The following FHIT variants were observed in gnomAD, a reference collection of about 807,000 sequenced individuals.
FHIT encodes fragile histidine triad diadenosine triphosphatase, also known as bis(5'-adenosyl)-triphosphatase.
A neutral mutation model predicts 17.9 loss-of-function variants in FHIT; 19 were observed. The observed-to-expected ratio is 1.06, with a 90% CI of 0.74 to 1.56. FHIT has a LOEUF of 1.56. Ranked by LOEUF, FHIT falls within the 40% of genes most tolerant of loss-of-function variation. The pLI, the probability that FHIT is intolerant of heterozygous loss-of-function variation, is 0.00. For missense variants in FHIT, 248 were observed against 189.2 expected, an observed-to-expected ratio of 1.31 and a Z score of -1.82; for synonymous variants, 81 against 69.7, an observed-to-expected ratio of 1.16 and a Z score of -0.81.
At chr3:61,169,558 T>C (rs1427901111) in intron 2 of FHIT, among the ~76,000 whole-genome samples, 1 of 152,248 alleles carries the variant, frequency 6.6e-6, no homozygotes, top group Non-Finnish European at 1.5e-5. Flanking sequence ...ATTTCACCTT[T>C]AATATGAATT....
chr3:60,906,148 G>T (rs1265916497), intron 3 of FHIT, among the ~76,000 whole-genome samples: 2 of 152,038 alleles, frequency 1.3e-5, no homozygotes, highest in Non-Finnish European at 2.9e-5. Flanking sequence ...ATCCTTAGTG[G>T]AATATTAGGA....
chr3:60,317,950 CCAGA>C (rs905329857), intron 5 of FHIT, among the ~76,000 whole-genome samples: 9 of 151,900 alleles, frequency 5.9e-5, no homozygotes, highest in African/African-American at 2.2e-4. Context: ...GTCACCACAC[CCAGA>C]CAATTTTTAT....
At chr3:61,217,162 A>G (rs2039706166) in intron 1 of FHIT, among the ~76,000 whole-genome samples, 1 of 152,208 alleles carries the variant, frequency 6.6e-6, no homozygotes. Context: ...AAATAAAAAA[A>G]TAAAAATAAA....
At chr3:60,592,083 A>G (rs1553664513) in intron 4 of FHIT, among the ~76,000 whole-genome samples, 1 of 151,612 alleles carries the variant, frequency 6.6e-6, no homozygotes, top group African/African-American at 2.4e-5. Flanking sequence ...TTATCTTAAC[A>G]AAATAATCAT....
intron 8 of FHIT, among the ~76,000 whole-genome samples, chr3:59,780,833 T>C (rs1487100432): frequency 1.3e-5 from 2 of 152,200 alleles, no homozygotes; most frequent in Admixed American, 6.5e-5. Context: ...TTAACCCGTT[T>C]AGTTTATATT....
intron 3 of FHIT, chr3:60,856,418 A>T (rs1392210365): frequency 2.6e-5 from 4 of 152,024 alleles, no homozygotes; most frequent in African/African-American, 7.3e-5. Context: ...CTTCCTCTTA[A>T]TCTCCCCAAA....
At chr3:60,506,415 C>T (rs1352074251) in intron 5 of FHIT, among the ~76,000 whole-genome samples, 1 of 152,106 alleles carries the variant, frequency 6.6e-6, no homozygotes, top group Non-Finnish European at 1.5e-5. Context: ...TTTGGCAAAT[C>T]CACGGTTTTA....
intron 2 of FHIT, among the ~76,000 whole-genome samples, chr3:61,044,139 C>T (rs956793171): frequency 6.6e-6 from 1 of 152,148 alleles, no homozygotes; most frequent in Non-Finnish European, 1.5e-5. Context: ...ATGAATTTGA[C>T]GAGTTGAGAG....
At chr3:60,145,205 C>T (rs954394097) in intron 5 of FHIT, among the ~76,000 whole-genome samples, 1 of 152,068 alleles carries the variant, frequency 6.6e-6, no homozygotes, top group African/African-American at 2.4e-5. Flanking sequence ...ACACAGACCT[C>T]GGTGTTATTG....
intron 5 of FHIT, among the ~76,000 whole-genome samples, chr3:60,293,936 G>A (rs1386985225): frequency 6.6e-6 from 1 of 152,102 alleles, no homozygotes; most frequent in Non-Finnish European, 1.5e-5. Flanking sequence ...TGTGCCTCAG[G>A]AGGTGCCATG....
intron 5 of FHIT, among the ~76,000 whole-genome samples, chr3:60,275,230 G>GT (rs1707069389): frequency 7.6e-6 from 1 of 131,064 alleles, no homozygotes; most frequent in Non-Finnish European, 1.7e-5. Context: ...TGGAAGAAAA[G>GT]AAAAAAAAAA....
At chr3:60,463,732 C>T (rs943170423) in intron 5 of FHIT, among the ~76,000 whole-genome samples, 5 of 152,150 alleles carry the variant, frequency 3.3e-5, no homozygotes, top group Admixed American at 2.0e-4. Flanking sequence ...AAAACTTAGA[C>T]CAGTTGAAAC....
chr3:60,618,288 T>A (rs560879779), intron 4 of FHIT, among the ~76,000 whole-genome samples: 1 of 152,292 alleles, frequency 6.6e-6, no homozygotes, highest in Non-Finnish European at 1.5e-5. Context: ...ATTTTCCAGT[T>A]TGAATTACTC....
intron 5 of FHIT, among the ~76,000 whole-genome samples, chr3:60,361,180 A>G (rs868860960): frequency 6.6e-6 from 1 of 152,236 alleles, no homozygotes; most frequent in Non-Finnish European, 1.5e-5. Flanking sequence ...TGAGCAAGTC[A>G]TGCCTTTGAA....
chr3:59,869,102 A>G (rs1702791676), intron 8 of FHIT, among the ~76,000 whole-genome samples: 1 of 152,214 alleles, frequency 6.6e-6, no homozygotes, highest in East Asian at 1.9e-4. Flanking sequence ...TATCAGAAAG[A>G]GTTGGAAGTT....
chr3:61,224,868 A>G (rs2039930131), intron 1 of FHIT, among the ~76,000 whole-genome samples: 1 of 152,082 alleles, frequency 6.6e-6, no homozygotes. Flanking sequence ...ACACACACAC[A>G]TATATATATA....
chr3:60,441,794 A>ACACACACATT (rs2030889180), intron 5 of FHIT, among the ~76,000 whole-genome samples: 1 of 47,044 alleles, frequency 2.1e-5, no homozygotes, highest in African/African-American at 5.4e-5. Flanking sequence ...ATATATATAT[A>ACACACACATT]TATATATATA....
chr3:61,172,611 T>C (rs1263255004), intron 2 of FHIT, among the ~76,000 whole-genome samples: 3 of 152,208 alleles, frequency 2.0e-5, no homozygotes, highest in Non-Finnish European at 4.4e-5. Flanking sequence ...GTAGATAAAA[T>C]ACAGTTACTA....
chr3:60,529,755 A>G (rs917411221), intron 5 of FHIT, among the ~76,000 whole-genome samples: 2 of 152,204 alleles, frequency 1.3e-5, no homozygotes, highest in African/African-American at 4.8e-5. Flanking sequence ...GAAATGGTGA[A>G]CAGCTTTCCA....
Sources: gnomAD v4.1 joint callset for allele counts (sites outside exome capture counted in the v4.1 genomes callset) on GRCh38, gnomAD v4.1.1 for gene constraint, MANE v1.5 for transcripts, NCBI Gene and HGNC (gene_info 2026-07-23, HGNC 2026-07-21) for gene names.